Variants in IGF1R observed in about 807,000 individuals in gnomAD.
IGF1R encodes the protein insulin like growth factor 1 receptor, also known as insulin-like growth factor 1 receptor.
In IGF1R, 44 loss-of-function variants were observed where a neutral mutation model predicts 144.6. That is an observed-to-expected ratio of 0.30 (90% confidence interval 0.24 to 0.39). The LOEUF (loss-of-function observed/expected upper bound fraction) is 0.39, where lower values mean the gene tolerates loss of function less well. IGF1R is among the 10% of genes least tolerant of loss of function. IGF1R has a pLI of 1.00. For synonymous variants in IGF1R, 795 were observed against 722.8 expected, an observed-to-expected ratio of 1.10 and a Z score of -1.60; for missense variants, 1,355 against 1,833.7, an observed-to-expected ratio of 0.74 and a Z score of 4.77.
intron 2 of IGF1R, among the ~76,000 whole-genome samples, chr15:98,853,393 G>A (rs2011623474): frequency 6.6e-6 from 1 of 152,136 alleles, no homozygotes; most frequent in Admixed American, 6.6e-5. Context: ...TGCGTGGCCC[G>A]GAGCAGCTCC....
At chr15:98,813,100 T>A (rs995188409) in intron 2 of IGF1R, among the ~76,000 whole-genome samples, 1 of 152,172 alleles carries the variant, frequency 6.6e-6, no homozygotes, top group African/African-American at 2.4e-5. Flanking sequence ...AACTGACTTA[T>A]GTTACCTTTC....
chr15:98,900,409 T>G (rs1261936416), intron 5 of IGF1R, among the ~76,000 whole-genome samples: 1 of 152,222 alleles, frequency 6.6e-6, no homozygotes, highest in African/African-American at 2.4e-5. Flanking sequence ...AAAGAGAATT[T>G]GGGAAAATAA....
At chr15:98,875,446 G>A (rs1422418402) in intron 2 of IGF1R, among the ~76,000 whole-genome samples, 1 of 149,428 alleles carries the variant, frequency 6.7e-6, no homozygotes, top group African/African-American at 2.5e-5. Flanking sequence ...GTCATGTGTT[G>A]TACAAGTTGC....
At chr15:98,875,941 C>G (rs1230149294) in intron 2 of IGF1R, among the ~76,000 whole-genome samples, 1 of 152,162 alleles carries the variant, frequency 6.6e-6, no homozygotes, top group Non-Finnish European at 1.5e-5. Flanking sequence ...ATTTTCCACG[C>G]TACTTTTTAG....
In IGF1R at chr15:98,913,254, G is replaced by A. The variant is rs757736210; in HGVS notation, c.1800G>A (p.Glu600=). Reference sequence around the variant, plus strand: ...ACCATATCCGTGGGGCCAAGAGTGAGATCTTGTACATTCGCACCAATGCTT... The same window carrying A: ...ACCATATCCGTGGGGCCAAGAGTGAAATCTTGTACATTCGCACCAATGCTT... ...ENDHIRGAKS[E]ILYIRTNASV... is the part of the protein sequence containing the mutation. The change falls in exon 8 of 21, where the codon GAG becomes GAA. Residue 600 remains glutamate (E), a synonymous_variant. Coordinates refer to ENST00000650285, the MANE Select transcript of IGF1R (RefSeq NM_000875.5). 6.2e-7 allele frequency: 1 copy of A among 1,614,042 alleles called. No homozygotes were observed. The highest frequency in any genetic ancestry group is 1.1e-5 in the South Asian group (1 of 91,080).
chr15:98,753,060 C>T (rs993324325), intron 2 of IGF1R, among the ~76,000 whole-genome samples: 5 of 151,472 alleles, frequency 3.3e-5, no homozygotes, highest in African/African-American at 7.3e-5. Flanking sequence ...CTCAGCCTCC[C>T]AAGTAGCTAG....
At chr15:98,883,986 T>C (rs975692435) in intron 2 of IGF1R, among the ~76,000 whole-genome samples, 1 of 152,140 alleles carries the variant, frequency 6.6e-6, no homozygotes, top group Non-Finnish European at 1.5e-5. Context: ...ATTCCACAAA[T>C]ACATTATTAT....
At chr15:98,949,700 A>C (rs1272331930) in intron 20 of IGF1R, among the ~76,000 whole-genome samples, 2 of 152,176 alleles carry the variant, frequency 1.3e-5, no homozygotes, top group African/African-American at 4.8e-5. Flanking sequence ...AACACTTTGC[A>C]GCTTTTAGTC....
chr15:98,738,008 G>T (rs1179843921), intron 2 of IGF1R, among the ~76,000 whole-genome samples: 2 of 152,192 alleles, frequency 1.3e-5, no homozygotes, highest in African/African-American at 4.8e-5. Context: ...GGTGGATGGT[G>T]GCTCTAGGCA....
At chr15:98,765,352 T>G (rs1408648765) in intron 2 of IGF1R, among the ~76,000 whole-genome samples, 1 of 141,706 alleles carries the variant, frequency 7.1e-6, no homozygotes, top group Non-Finnish European at 1.5e-5. Flanking sequence ...AGTCTCGCTG[T>G]GTTGCCCAGG....
At chr15:98,677,857 A>G (rs1374253647) in intron 1 of IGF1R, among the ~76,000 whole-genome samples, 1 of 152,130 alleles carries the variant, frequency 6.6e-6, no homozygotes, top group Non-Finnish European at 1.5e-5. Flanking sequence ...GGGTATGGCT[A>G]GTGGGTTGGG....
chr15:98,657,540 G>A (rs2052514421), intron 1 of IGF1R, among the ~76,000 whole-genome samples: 1 of 152,206 alleles, frequency 6.6e-6, no homozygotes. Context: ...AGCACAGATT[G>A]CCACGAAAAC....
At chr15:98,863,703 C>T (rs746972754) in intron 2 of IGF1R, among the ~76,000 whole-genome samples, 19 of 152,152 alleles carry the variant, frequency 1.2e-4, no homozygotes, top group Non-Finnish European at 2.8e-4. Flanking sequence ...CCCTTTCTCC[C>T]TACAAAGGAG....
At chr15:98,828,603 T>C (rs1248494354) in intron 2 of IGF1R, among the ~76,000 whole-genome samples, 1 of 152,206 alleles carries the variant, frequency 6.6e-6, no homozygotes, top group African/African-American at 2.4e-5. Flanking sequence ...ACGTTCCCAC[T>C]GACCTTCAGT....
intron 2 of IGF1R, among the ~76,000 whole-genome samples, chr15:98,751,383 T>A (rs952965537): frequency 4.6e-5 from 7 of 151,944 alleles, no homozygotes; most frequent in Non-Finnish European, 8.8e-5. Context: ...AAAAAAAAAG[T>A]TTTTTGTAGA....
chr15:98,803,949 A>G (rs2056417166), intron 2 of IGF1R, among the ~76,000 whole-genome samples: 1 of 152,262 alleles, frequency 6.6e-6, no homozygotes, highest in African/African-American at 2.4e-5. Flanking sequence ...CTGTACTTTT[A>G]TACAGCTGGC....
At position 98,889,921 on chromosome 15, in the gene IGF1R, T is replaced by G. The variant is rs904474206; in HGVS notation, c.641-1404T>G. ...TGAGGATAAAGTAGGAAATGTATAATGCAAACCAGATTTCATATTTTGTTG... is the reference window on the plus strand; with the variant it reads ...TGAGGATAAAGTAGGAAATGTATAAGGCAAACCAGATTTCATATTTTGTTG... On this transcript the variant is annotated intron_variant, in intron 2 of 20. Transcript: ENST00000650285. Among the ~76,000 whole-genome samples, 7 of 152,262 alleles carry G rather than the reference T, an allele frequency of 4.6e-5. No individual in the cohort carries two copies. In the East Asian group the frequency reaches 1.3e-3, roughly 29 times the overall value.
At chr15:98,669,464 T>C (rs531728229) in intron 1 of IGF1R, among the ~76,000 whole-genome samples, 2 of 152,312 alleles carry the variant, frequency 1.3e-5, no homozygotes, top group African/African-American at 4.8e-5. Context: ...TGCCACCTTT[T>C]CTTTGGCTTT....
chr15:98,843,869 C>T (rs1201357689), intron 2 of IGF1R, among the ~76,000 whole-genome samples: 4 of 152,126 alleles, frequency 2.6e-5, no homozygotes, highest in Non-Finnish European at 5.9e-5. Context: ...TATATTTTCA[C>T]GATAGCAATG....
Sources: gnomAD v4.1 joint callset for allele counts (sites outside exome capture counted in the v4.1 genomes callset) on GRCh38, gnomAD v4.1.1 for gene constraint, MANE v1.5 for transcripts, NCBI Gene and HGNC (gene_info 2026-07-23, HGNC 2026-07-21) for gene names.